The following DDX19B variants were observed in gnomAD, a reference collection of about 807,000 sequenced individuals.
DDX19B encodes DEAD-box helicase 19B, also known as ATP-dependent RNA helicase DDX19B.
Under a neutral mutation model 58.1 loss-of-function variants are expected in DDX19B, and 27 were observed. That is an observed-to-expected ratio of 0.46 (90% CI 0.34 to 0.64). The LOEUF is 0.64. Ranked by LOEUF, DDX19B falls within the 30% of genes least tolerant of loss-of-function variation. The pLI, the probability that DDX19B is intolerant of heterozygous loss-of-function variation, is 0.01. For synonymous variants in DDX19B, 187 were observed against 214.4 expected, an observed-to-expected ratio of 0.87 and a Z score of 1.12; for missense variants, 399 against 596.5, an observed-to-expected ratio of 0.67 and a Z score of 3.45.
chr16:70,324,470 A>G, intron 5 of DDX19B, 115 bp from the exon 6 acceptor site: 1 of 831,462 alleles, frequency 1.2e-6, no homozygotes, highest in Non-Finnish European at 1.9e-6. Context: ...AGCATATGTA[A>G]CTCTGCTACA....
At chr16:70,291,752 A>G (rs560536698), upstream of DDX19B, among the ~76,000 whole-genome samples, 4 of 151,870 alleles carry the variant, frequency 2.6e-5, no homozygotes, top group South Asian at 8.3e-4. Context: ...CGGAGCTAGC[A>G]GTGAGCCGAG....
chr16:70,310,075 C>A (rs1233554194), intron 1 of DDX19B, among the ~76,000 whole-genome samples: 1 of 151,544 alleles, frequency 6.6e-6, no homozygotes, highest in Admixed American at 6.6e-5. Context: ...AAGATCCCAA[C>A]TCTACAATAA....
intron 1 of DDX19B, among the ~76,000 whole-genome samples, chr16:70,306,045 G>A (rs1961735116): frequency 6.6e-6 from 1 of 152,154 alleles, no homozygotes; most frequent in Admixed American, 6.5e-5. Flanking sequence ...TTACAGGCAT[G>A]ACCCACAGCA....
Position 70,312,620 on chromosome 16 carries a change from G to T in DDX19B, c.69G>T (p.Leu23Phe), listed in dbSNP as rs1567627845. Residue 23 changes from leucine (L) to phenylalanine (F), a missense_variant, in exon 2 of 12, where the codon TTG becomes TTT. Coordinates refer to ENST00000288071, the MANE Select transcript of DDX19B (RefSeq NM_007242.7). ...TATTCTCCATTTAGTTGAGCAACTT[G>T]CATCTTAAGGAAGAGAAAATCAAAC... The part of the protein sequence containing the change: ...QEAAAESLSN[L>F]HLKEEKIKPD... 8 of 1,613,176 alleles carry T rather than the reference G, an allele frequency of 5.0e-6. No homozygotes were observed. The highest frequency in any genetic ancestry group is 6.8e-6 in the Non-Finnish European group (8 of 1,179,498).
chr16:70,300,886 G>T (rs1280097937), intron 1 of DDX19B, among the ~76,000 whole-genome samples: 1 of 152,020 alleles, frequency 6.6e-6, no homozygotes, highest in Non-Finnish European at 1.5e-5. Flanking sequence ...TTATGTTTAT[G>T]CTTCATTTTT....
Position 70,320,852 on chromosome 16 carries a change from C to T in DDX19B, c.389+3264C>T, listed in dbSNP as rs898570882. Among the ~76,000 whole-genome samples the T allele has an allele frequency of 1.1e-4, 16 of 151,430 alleles. No homozygotes were observed. The South Asian group carries it at 1.7e-3, about 16-fold the overall frequency. On this transcript the variant is annotated intron_variant, in intron 5 of 11. Coordinates refer to ENST00000288071, the MANE Select transcript of DDX19B (RefSeq NM_007242.7). ...GATTACAGGCGTGAGCCATCGTGCCCGGCCTAATTTTTATATTTTTATCAG... is the reference window on the plus strand; with the variant it reads ...GATTACAGGCGTGAGCCATCGTGCCTGGCCTAATTTTTATATTTTTATCAG...
chr16:70,324,362 CAAAAAAAAAA>C (rs57977602), intron 5 of DDX19B, among the ~76,000 whole-genome samples: 11 of 48,854 alleles, frequency 2.3e-4, no homozygotes, highest in Non-Finnish European at 4.1e-4. Flanking sequence ...GACCTAATCT[CAAAAAAAAAA>C]AAAAAAAAAA....
At chr16:70,300,017 C>T (rs12599172) in intron 1 of DDX19B, among the ~76,000 whole-genome samples, 19 of 152,242 alleles carry the variant, frequency 1.2e-4, no homozygotes, top group East Asian at 1.2e-3. Context: ...CCCACCGAAA[C>T]ACTTTAAATC....
At position 70,316,088 on chromosome 16, in the gene DDX19B, T is replaced by C; in HGVS notation, c.280T>C (p.Phe94Leu). 6.2e-7 allele frequency: 1 copy of C among 1,614,160 alleles called. No homozygotes were observed. Among genetic ancestry groups the C allele is most frequent in the Non-Finnish European group, 8.5e-7 (1 of 1,180,040 alleles). ...PNSPLYSVKS[F>L]EELRLKPQLL... ...CTCCCCTCTGTACTCGGTGAAGTCT[T>C]TTGAAGAGCTTCGGCTGTGAGTATT... Residue 94 changes from phenylalanine to leucine, a missense_variant, in exon 4 of 12, where the codon TTT becomes CTT. Transcript: ENST00000288071.
chr16:70,299,727 C>G (rs1361651524), intron 1 of DDX19B, among the ~76,000 whole-genome samples: 1 of 152,086 alleles, frequency 6.6e-6, no homozygotes, highest in African/African-American at 2.4e-5. Context: ...CTCGGCCTTT[C>G]AAAGCACCAG....
intron 5 of DDX19B, among the ~76,000 whole-genome samples, chr16:70,320,660 T>A (rs1387463920): frequency 6.7e-6 from 1 of 149,318 alleles, no homozygotes; most frequent in Non-Finnish European, 1.5e-5. Context: ...ATCAAGTAAT[T>A]CTCCTGCCTC....
chr16:70,321,773 C>T (rs1322948434), intron 5 of DDX19B, among the ~76,000 whole-genome samples: 1 of 152,130 alleles, frequency 6.6e-6, no homozygotes, highest in Admixed American at 6.6e-5. Flanking sequence ...GTGGCTCACG[C>T]CTGTAATCCC....
chr16:70,330,188 A>C (rs959698966), intron 9 of DDX19B, 120 bp downstream of exon 9: 1 of 1,191,672 alleles, frequency 8.4e-7, no homozygotes, highest in Non-Finnish European at 1.2e-6. Flanking sequence ...TGTTCTCCTA[A>C]GGTTTTAGTG....
chr16:70,296,499 G>C (rs1961228759), upstream of DDX19B, among the ~76,000 whole-genome samples: 1 of 151,956 alleles, frequency 6.6e-6, no homozygotes, highest in Admixed American at 6.6e-5. Context: ...TTGGGGTGGG[G>C]GTTCCTGTTT....
upstream of DDX19B, among the ~76,000 whole-genome samples, chr16:70,293,627 C>T (rs1328868744): frequency 6.6e-5 from 2 of 30,272 alleles, no homozygotes; most frequent in East Asian, 7.5e-4. Context: ...TTTTTTGAGA[C>T]GGAGTCTCGC....
upstream of DDX19B, among the ~76,000 whole-genome samples, chr16:70,298,015 G>T (rs1961292969): frequency 6.6e-6 from 1 of 152,194 alleles, no homozygotes; most frequent in Admixed American, 6.5e-5. Context: ...TACTGTGCCT[G>T]GCCAATCCTG....
At chr16:70,306,759 G>T (rs1484450792) in intron 1 of DDX19B, among the ~76,000 whole-genome samples, 1 of 152,270 alleles carries the variant, frequency 6.6e-6, no homozygotes, top group South Asian at 2.1e-4. Flanking sequence ...AGATTAAAGT[G>T]TACAGTTCAC....
intron 1 of DDX19B, among the ~76,000 whole-genome samples, chr16:70,303,118 T>G (rs1961562706): frequency 6.6e-6 from 1 of 152,160 alleles, no homozygotes; most frequent in African/African-American, 2.4e-5. Context: ...ATATTCTGGA[T>G]AGAAGTTCTG....
rs576285391 is a variant in DDX19B, at chr16:70,331,758, T to G, written c.1060T>G (p.Ser354Ala). 14 of 1,614,188 alleles carry G rather than the reference T, an allele frequency of 8.7e-6. No homozygotes were observed. Among genetic ancestry groups the G allele is most frequent in the Middle Eastern group, 1.6e-4 (1 of 6,062 alleles). ...KTASWLAAEL[S>A]KEGHQVALLS... ...AGCTAGTTGGCTGGCAGCAGAGCTC[T>G]CAAAAGAAGGCCACCAGGTGGCTCT... is the stretch of plus-strand genomic sequence containing the variant. Residue 354 changes from serine to alanine, a missense_variant, in exon 10 of 12, where the codon TCA (serine) becomes GCA (alanine). Ser to Ala is a moderately conservative substitution (Grantham distance 99, BLOSUM62 1). Around this residue, in one of 4 missense-constraint regions of DDX19B, gnomAD observed 198 missense variants for 345.9 expected, o/e 0.57. Coordinates refer to ENST00000288071, the MANE Select transcript of DDX19B (RefSeq NM_007242.7).
Sources: allele counts gnomAD v4.1 joint callset (sites outside exome capture counted in the v4.1 genomes callset), GRCh38; gene constraint gnomAD v4.1.1; regional missense constraint gnomAD v4.1.1; transcripts MANE v1.5; gene names NCBI Gene and HGNC (gene_info 2026-07-23, HGNC 2026-07-21).